Variants in ANKRD10 observed in about 807,000 individuals in gnomAD.
ANKRD10 encodes the protein ankyrin repeat domain 10, also known as ankyrin repeat domain-containing protein 10.
A neutral mutation model predicts 27.0 loss-of-function variants in ANKRD10; 14 were observed. The ratio of observed to expected loss-of-function variants is 0.52; its 90% CI spans 0.34 to 0.81. ANKRD10 has a LOEUF of 0.81. ANKRD10 is among the 40% of genes least tolerant of loss of function. The probability of loss-of-function intolerance (pLI) is 0.01; values close to 1 mark genes in which losing one functional copy is unlikely to be tolerated. For synonymous variants in ANKRD10, 250 were observed against 224.5 expected, an observed-to-expected ratio of 1.11 and a Z score of -1.01; for missense variants, 493 against 544.0, an observed-to-expected ratio of 0.91 and a Z score of 0.93.
intron 1 of ANKRD10, chr13:110,914,504 C>T (rs2065826621): frequency 2.1e-6 from 1 of 479,176 alleles, no homozygotes; most frequent in Non-Finnish European, 3.2e-6. Flanking sequence ...CAGGCGCCAC[C>T]GACCTCGCTT....
chr13:110,890,359 G>C (rs796573887), intron 4 of ANKRD10, among the ~76,000 whole-genome samples: 1 of 151,562 alleles, frequency 6.6e-6, no homozygotes. Flanking sequence ...AATGGTAAAA[G>C]GGGGGCAAAA....
chr13:110,907,548 T>TA (rs1204783986), intron 2 of ANKRD10, among the ~76,000 whole-genome samples: 1 of 151,814 alleles, frequency 6.6e-6, no homozygotes, highest in East Asian at 1.9e-4. Flanking sequence ...TACAGAAAAA[T>TA]AAGAGTATGA....
At chr13:110,889,707 C>CTT (rs1355067148) in intron 4 of ANKRD10, among the ~76,000 whole-genome samples, 1 of 152,024 alleles carries the variant, frequency 6.6e-6, no homozygotes, top group Non-Finnish European at 1.5e-5. Context: ...AGTGTTTTGG[C>CTT]TTTTTCTTTT....
chr13:110,914,611 C>A, intron 1 of ANKRD10, 114 bp downstream of exon 1: 1 of 1,412,600 alleles, frequency 7.1e-7, no homozygotes, highest in Non-Finnish European at 9.3e-7. Flanking sequence ...GCCGTCGATC[C>A]CGCTTCCGCC....
At chr13:110,914,543 G>T in intron 1 of ANKRD10, 182 bp downstream of exon 1, 1 of 825,924 alleles carries the variant, frequency 1.2e-6, no homozygotes, top group Non-Finnish European at 1.6e-6. Context: ...CTGCCCCGCC[G>T]CGACTCCGGG....
intron 3 of ANKRD10, among the ~76,000 whole-genome samples, chr13:110,902,356 G>A (rs1422916033): frequency 1.0e-5 from 1 of 96,710 alleles, no homozygotes; most frequent in Non-Finnish European, 2.5e-5. Context: ...TCTAGACAGG[G>A]CTCTATGGTA....
rs563993000 is a variant in ANKRD10, at chr13:110,896,134, A to G, written c.456-2871T>C. On this transcript the variant is annotated intron_variant, in intron 3 of 5. Coordinates refer to ENST00000267339, the MANE Select transcript of ANKRD10 (RefSeq NM_017664.4). ...AAGGCAGACATGATGGGGAGGTGAA[A>G]AAGTTCTAGAAATTGTATTGGACAG... 7.9e-5 allele frequency among the ~76,000 whole-genome samples: 12 copies of G among 152,324 alleles called. No individual in the cohort carries two copies. The South Asian group carries it at 2.3e-3, about 29-fold the overall frequency.
At chr13:110,886,532 C>G (rs2064934411) in intron 4 of ANKRD10, among the ~76,000 whole-genome samples, 1 of 152,166 alleles carries the variant, frequency 6.6e-6, no homozygotes, top group African/African-American at 2.4e-5. Flanking sequence ...AGTAGCTATA[C>G]ATAAGTTAAT....
chr13:110,880,785 G>A (rs910706352), intron 5 of ANKRD10, among the ~76,000 whole-genome samples: 1 of 152,198 alleles, frequency 6.6e-6, no homozygotes, highest in Non-Finnish European at 1.5e-5. Flanking sequence ...GAGAGCAGTG[G>A]CAGAATACAG....
chr13:110,909,293 G>T (rs980757328), intron 2 of ANKRD10, among the ~76,000 whole-genome samples: 1 of 152,122 alleles, frequency 6.6e-6, no homozygotes, highest in Non-Finnish European at 1.5e-5. Context: ...TAAAGAGATT[G>T]AGCCACAAAG....
intron 3 of ANKRD10, 115 bp from the exon 4 acceptor site, chr13:110,893,378 C>G (rs373372938): frequency 1.1e-6 from 1 of 925,008 alleles, no homozygotes; most frequent in Admixed American, 2.8e-5. Flanking sequence ...AAATTCATAG[C>G]AAATCTTCAT....
intron 3 of ANKRD10, 116 bp downstream of exon 3, chr13:110,905,917 T>TAC: frequency 1.0e-6 from 1 of 976,240 alleles, no homozygotes; most frequent in Non-Finnish European, 1.5e-6. Flanking sequence ...AAGGCAAAAT[T>TAC]ACATTACTAA....
chr13:110,892,913 C>A, intron 4 of ANKRD10, 115 bp downstream of exon 4: 1 of 1,478,378 alleles, frequency 6.8e-7, no homozygotes, highest in Non-Finnish European at 9.0e-7. Context: ...ATCCACCAGG[C>A]GCATTACCAC....
At chr13:110,910,924 T>G (rs2065682079) in intron 1 of ANKRD10, among the ~76,000 whole-genome samples, 154 bp from the exon 2 acceptor site, 1 of 152,212 alleles carries the variant, frequency 6.6e-6, no homozygotes, top group Non-Finnish European at 1.5e-5. Flanking sequence ...ATGCAAATTT[T>G]AAAGGACATT....
intron 4 of ANKRD10, among the ~76,000 whole-genome samples, chr13:110,890,043 A>G (rs2065034512): frequency 2.6e-5 from 4 of 152,214 alleles, no homozygotes; most frequent in Admixed American, 2.6e-4. Context: ...AGGAAAAAAG[A>G]ATTTATCATT....
intron 3 of ANKRD10, chr13:110,903,339 A>G (rs918124643): frequency 4.0e-5 from 5 of 125,044 alleles, no homozygotes; most frequent in African/African-American, 1.4e-4. Context: ...GTGCGTTTTA[A>G]TTTTTAGATG....
intron 1 of ANKRD10, among the ~76,000 whole-genome samples, chr13:110,911,241 G>A (rs1460362126): frequency 6.6e-6 from 1 of 151,858 alleles, no homozygotes; most frequent in Non-Finnish European, 1.5e-5. Flanking sequence ...CTTGAGGTCA[G>A]GAATTCGAAA....
chr13:110,902,034 CTCTG>C (rs768884106), intron 3 of ANKRD10, among the ~76,000 whole-genome samples: 16 of 121,334 alleles, frequency 1.3e-4, no homozygotes, highest in Middle Eastern at 5.9e-3. Flanking sequence ...CAAAGGGAGA[CTCTG>C]TCTCTTTTTA....
At chr13:110,910,088 C>A (rs1244759844) in intron 2 of ANKRD10, among the ~76,000 whole-genome samples, 13 of 152,186 alleles carry the variant, frequency 8.5e-5, no homozygotes, top group Admixed American at 8.5e-4. Context: ...ACTGAAAACA[C>A]ACCATGAAGA....
Sources: allele counts gnomAD v4.1 joint callset (sites outside exome capture counted in the v4.1 genomes callset), GRCh38; gene constraint gnomAD v4.1.1; transcripts MANE v1.5; gene names NCBI Gene and HGNC (gene_info 2026-07-23, HGNC 2026-07-21).